AGBL1: variants seen among roughly 807,000 people sequenced by gnomAD.
AGBL1 encodes the protein AGBL carboxypeptidase 1.
Under a neutral mutation model 118.9 loss-of-function variants are expected in AGBL1, and 130 were observed. The ratio of observed to expected loss-of-function variants is 1.09; its 90% CI spans 0.95 to 1.26. The LOEUF (loss-of-function observed/expected upper bound fraction) is 1.26, where lower values mean the gene tolerates loss of function less well. Among genes scored for constraint, AGBL1 ranks in the 50% most tolerant of loss-of-function variants. The pLI, the probability that AGBL1 is intolerant of heterozygous loss-of-function variation, is 0.00. For missense variants in AGBL1, 1,584 were observed against 1,298.1 expected, an observed-to-expected ratio of 1.22 and a Z score of -3.38; for synonymous variants, 555 against 478.9, an observed-to-expected ratio of 1.16 and a Z score of -2.08.
At chr15:86,812,001 A>C (rs1174964297) in intron 22 of AGBL1, among the ~76,000 whole-genome samples, 1 of 152,170 alleles carries the variant, frequency 6.6e-6, no homozygotes, top group Admixed American at 6.5e-5. Flanking sequence ...AGATCAATCA[A>C]CATATAAGAA....
intron 23 of AGBL1, among the ~76,000 whole-genome samples, chr15:86,953,062 T>A (rs937460596): frequency 3.9e-5 from 6 of 152,172 alleles, no homozygotes; most frequent in African/African-American, 1.4e-4. Context: ...CCATGCTGTT[T>A]TGGTTACTAT....
chr15:86,594,674 A>C (rs972192438), intron 21 of AGBL1, among the ~76,000 whole-genome samples: 2 of 152,350 alleles, frequency 1.3e-5, no homozygotes, highest in Non-Finnish European at 2.9e-5. Context: ...AGTATGCTAC[A>C]TGATATTCCT....
chr15:86,614,548 G>C (rs56136249), intron 21 of AGBL1, among the ~76,000 whole-genome samples: 389 of 152,304 alleles, frequency 2.6e-3, no homozygotes, highest in Middle Eastern at 0.01. Flanking sequence ...TTTGAAATGA[G>C]CTTTGATTTG....
At chr15:86,408,956 C>T (rs1230240386) in intron 18 of AGBL1, among the ~76,000 whole-genome samples, 1 of 151,962 alleles carries the variant, frequency 6.6e-6, no homozygotes, top group African/African-American at 2.4e-5. Context: ...GACAAAAAAA[C>T]AAAAAATGAA....
intron 3 of AGBL1, 68 bp from the exon 4 acceptor site, chr15:86,154,362 A>T: frequency 6.5e-7 from 1 of 1,539,642 alleles, no homozygotes; most frequent in Non-Finnish European, 8.8e-7. Context: ...CCCTTCCTCC[A>T]CTGTACTCAT....
At chr15:86,247,583 T>C in intron 6 of AGBL1, 88 bp from the exon 7 acceptor site, 2 of 1,285,966 alleles carry the variant, frequency 1.6e-6, no homozygotes, top group East Asian at 2.5e-5. Context: ...GATTAATAAG[T>C]ATCTTGTGGG....
chr15:86,335,199 C>T (rs928624738), intron 17 of AGBL1, among the ~76,000 whole-genome samples: 37 of 151,352 alleles, frequency 2.4e-4, no homozygotes, highest in African/African-American at 8.7e-4. Context: ...AGTGTAGTGG[C>T]GTGATCTCGG....
intron 17 of AGBL1, among the ~76,000 whole-genome samples, chr15:86,328,764 T>C (rs2080225591): frequency 6.6e-6 from 1 of 152,182 alleles, no homozygotes; most frequent in Admixed American, 6.5e-5. Context: ...AGCATTTTGT[T>C]TCTCCCAAGC....
At chr15:86,437,336 C>G (rs969736728) in intron 18 of AGBL1, among the ~76,000 whole-genome samples, 8 of 152,168 alleles carry the variant, frequency 5.3e-5, no homozygotes, top group African/African-American at 9.7e-5. Flanking sequence ...GCCACTTCTT[C>G]TCTCCAATAG....
chr15:86,285,764 C>G, intron 16 of AGBL1, among the ~76,000 whole-genome samples: 1 of 152,200 alleles, frequency 6.6e-6, no homozygotes, highest in South Asian at 2.1e-4. Flanking sequence ...ATAATAATAA[C>G]AAATTAAAAG....
intron 21 of AGBL1, among the ~76,000 whole-genome samples, chr15:86,666,861 C>T (rs989461270): frequency 6.6e-6 from 1 of 152,128 alleles, no homozygotes; most frequent in South Asian, 2.1e-4. Context: ...CAGGACCCTG[C>T]AGTTAGAAGT....
chr15:86,771,035 T>G (rs2078171825), intron 22 of AGBL1, among the ~76,000 whole-genome samples: 1 of 152,022 alleles, frequency 6.6e-6, no homozygotes, highest in Non-Finnish European at 1.5e-5. Context: ...TGTGTGGTCC[T>G]TGCTCTCTTT....
chr15:86,721,127 G>C (rs1325178584), intron 22 of AGBL1, among the ~76,000 whole-genome samples: 2 of 152,220 alleles, frequency 1.3e-5, no homozygotes, highest in African/African-American at 4.8e-5. Flanking sequence ...GAAAAAGAGG[G>C]AATCCTCCCT....
intron 21 of AGBL1, among the ~76,000 whole-genome samples, chr15:86,558,480 C>A (rs1205127202): frequency 6.6e-6 from 1 of 152,156 alleles, no homozygotes; most frequent in African/African-American, 2.4e-5. Flanking sequence ...TTCAACCTCC[C>A]CCTCTGCCCA....
intron 5 of AGBL1, among the ~76,000 whole-genome samples, chr15:86,184,857 G>A (rs2077606804): frequency 6.6e-6 from 1 of 152,116 alleles, no homozygotes; most frequent in Admixed American, 6.6e-5. Context: ...AACAGAACTG[G>A]AGGCATCAAG....
At chr15:86,645,310 G>GT (rs1293527874) in intron 21 of AGBL1, among the ~76,000 whole-genome samples, 1 of 152,244 alleles carries the variant, frequency 6.6e-6, no homozygotes, top group African/African-American at 2.4e-5. Flanking sequence ...GCAGGGAAGT[G>GT]TGGCAAAATG....
At chr15:86,565,716 C>T (rs990266821) in intron 21 of AGBL1, among the ~76,000 whole-genome samples, 1 of 152,202 alleles carries the variant, frequency 6.6e-6, no homozygotes, top group Non-Finnish European at 1.5e-5. Context: ...TTGGCTATGC[C>T]CTGCCTCCAG....
intron 24 of AGBL1, among the ~76,000 whole-genome samples, chr15:87,002,696 C>A (rs2081452975): frequency 6.6e-6 from 1 of 152,282 alleles, no homozygotes; most frequent in East Asian, 1.9e-4. Context: ...TCCTTCACAT[C>A]CCTTGGAAGT....
chr15:87,021,786 G>A (rs1414441096), intron 24 of AGBL1, among the ~76,000 whole-genome samples: 1 of 152,148 alleles, frequency 6.6e-6, no homozygotes. Flanking sequence ...AACTCAGACA[G>A]AGCAGCATGT....
Sources: gnomAD v4.1 joint callset for allele counts (sites outside exome capture counted in the v4.1 genomes callset) on GRCh38, gnomAD v4.1.1 for gene constraint, MANE v1.5 for transcripts, NCBI Gene and HGNC (gene_info 2026-07-23, HGNC 2026-07-21) for gene names.